Variants in ZNF717 observed in about 807,000 individuals in gnomAD.
ZNF717 encodes the protein zinc finger protein 717.
Under a neutral mutation model 13.8 loss-of-function variants are expected in ZNF717, and 9 were observed. That is an observed-to-expected ratio of 0.65 (90% confidence interval 0.39 to 1.14). ZNF717 has a LOEUF of 1.14. Among genes scored for constraint, ZNF717 ranks in the 50% most tolerant of loss-of-function variants. The pLI, the probability that ZNF717 is intolerant of heterozygous loss-of-function variation, is 0.01. For synonymous variants in ZNF717, 327 were observed against 364.1 expected, an observed-to-expected ratio of 0.90 and a Z score of 1.16; for missense variants, 1,040 against 1,080.7, an observed-to-expected ratio of 0.96 and a Z score of 0.53.
At chr3:75,740,549 C>A (rs1343628647) in intron 4 of ZNF717, among the ~76,000 whole-genome samples, 1 of 149,056 alleles carries the variant, frequency 6.7e-6, no homozygotes, top group Non-Finnish European at 1.5e-5. Context: ...GGATTACAAA[C>A]CCTTGTCACC....
chr3:75,725,855 G>A (rs76834661), downstream of ZNF717, among the ~76,000 whole-genome samples: 3 of 152,192 alleles, frequency 2.0e-5, no homozygotes, highest in African/African-American at 7.2e-5. Context: ...CGAGATTTGG[G>A]TGAGGACACA....
At chr3:75,775,848 T>C (rs1944271169) in intron 2 of ZNF717, among the ~76,000 whole-genome samples, 1 of 131,842 alleles carries the variant, frequency 7.6e-6, no homozygotes, top group East Asian at 2.1e-4. Context: ...TGAGACTCTG[T>C]CTCAAAAAAA....
At chr3:75,723,362 G>T (rs113725010) in intron 4 of ZNF717, among the ~76,000 whole-genome samples, 1 of 142,980 alleles carries the variant, frequency 7.0e-6, no homozygotes, top group Non-Finnish European at 1.5e-5. Context: ...TGATCCTCCC[G>T]CCTCAGCCTC....
At chr3:75,779,621 G>C (rs1273981827) in intron 2 of ZNF717, among the ~76,000 whole-genome samples, 2 of 144,846 alleles carry the variant, frequency 1.4e-5, no homozygotes, top group Non-Finnish European at 3.0e-5. Flanking sequence ...TGCTAAACAG[G>C]AACCCAAAAC....
In ZNF717 at chr3:75,736,855, C is replaced by G; in HGVS notation, c.*23G>C. The G allele has an allele frequency of 6.6e-7, 1 of 1,519,758 alleles. No individual in the cohort carries two copies. Among genetic ancestry groups the G allele is most frequent in the African/African-American group, 1.4e-5 (1 of 71,990 alleles). The allele number at this position is 1,519,758 out of a possible 1,614,324, so 94.1% of individuals were successfully genotyped here. A position where few individuals can be genotyped will look rare whatever the true frequency, so the allele number is the denominator to read the frequency against. Reference sequence around the variant, plus strand: ...AGCATGGAGAAATCTGTAATAGTAGCCAGAGAGGTGTAGGTTGTGTGTTCA... The same window carrying G: ...AGCATGGAGAAATCTGTAATAGTAGGCAGAGAGGTGTAGGTTGTGTGTTCA... On this transcript the variant is annotated 3_prime_UTR_variant, in exon 5 of 5. Transcript: ENST00000652011.
chr3:75,707,336 A>C (rs1379815075), downstream of ZNF717, among the ~76,000 whole-genome samples: 2 of 152,228 alleles, frequency 1.3e-5, no homozygotes, highest in African/African-American at 4.8e-5. Flanking sequence ...AAAAAGCCTA[A>C]TGGCAAGTAC....
chr3:75,770,067 C>T (rs1418406479), intron 2 of ZNF717, among the ~76,000 whole-genome samples: 1 of 152,174 alleles, frequency 6.6e-6, no homozygotes, highest in Admixed American at 6.5e-5. Flanking sequence ...TGAATGCTTT[C>T]TCTCTCCCCA....
intron 2 of ZNF717, among the ~76,000 whole-genome samples, chr3:75,756,807 T>C (rs1306680138): frequency 6.6e-6 from 1 of 152,196 alleles, no homozygotes; most frequent in East Asian, 1.9e-4. Context: ...CCCGAGTAGC[T>C]GGGATTACGG....
intron 2 of ZNF717, among the ~76,000 whole-genome samples, chr3:75,746,907 CT>C (rs1171741006): frequency 3.3e-5 from 5 of 152,112 alleles, no homozygotes; most frequent in African/African-American, 1.2e-4. Flanking sequence ...GTTGCCATTG[CT>C]TTTGGTGTTT....
downstream of ZNF717, among the ~76,000 whole-genome samples, chr3:75,727,848 A>G (rs1415778004): frequency 2.6e-5 from 4 of 152,138 alleles, no homozygotes; most frequent in African/African-American, 9.7e-5. Flanking sequence ...CCTAATAAAA[A>G]CTGGCTGGTT....
intron 2 of ZNF717, among the ~76,000 whole-genome samples, chr3:75,779,763 C>CAATGGGAGAGACGTGCTAAACCAGGAT (rs1944660205): frequency 1.9e-4 from 28 of 148,878 alleles, no homozygotes; most frequent in African/African-American, 6.7e-4. Context: ...AAACCAGAAA[C>CAATGGGAGAGACGTGCTAAACCAGGAT]CCAAAACAAT....
intron 4 of ZNF717, among the ~76,000 whole-genome samples, chr3:75,723,987 C>T (rs79011125): frequency 1.3e-5 from 2 of 152,076 alleles, no homozygotes; most frequent in Admixed American, 6.6e-5. Flanking sequence ...ACACCTGGCT[C>T]GGCCTTCTAG....
chr3:75,733,621 T>C (rs1455131986), downstream of ZNF717, among the ~76,000 whole-genome samples: 2 of 140,490 alleles, frequency 1.4e-5, no homozygotes, highest in Non-Finnish European at 3.1e-5. Flanking sequence ...CACGAAAAAA[T>C]ACAAAAAATT....
intron 2 of ZNF717, among the ~76,000 whole-genome samples, chr3:75,757,968 T>A (rs79100546): frequency 0.31 from 42,886 of 137,882 alleles, 7,130 homozygotes; most frequent in African/African-American, 0.49. Context: ...AAAAAAAAAA[T>A]TTATCTGAGC....
At chr3:75,722,431 C>T (rs1175049163) in intron 4 of ZNF717, among the ~76,000 whole-genome samples, 1 of 152,126 alleles carries the variant, frequency 6.6e-6, no homozygotes, top group Non-Finnish European at 1.5e-5. Flanking sequence ...CTTCTGAATT[C>T]AATCTGTTGC....
At position 75,743,169 on chromosome 3, in the gene ZNF717, A is replaced by C. The variant is rs62246587; in HGVS notation, c.58-1433T>G. Reference sequence around the variant, plus strand: ...TTACCCAAAGATGCATTTCTCAGAAAGTAATCCCATCAGTAAGCCATGCAT... The same window carrying C: ...TTACCCAAAGATGCATTTCTCAGAACGTAATCCCATCAGTAAGCCATGCAT... On this transcript the variant is annotated intron_variant, in intron 2 of 4. Coordinates refer to ENST00000652011, the MANE Select transcript of ZNF717 (RefSeq NM_001290208.3). Among the ~76,000 whole-genome samples the C allele has an allele frequency of 5.4e-3, 822 of 152,344 alleles. 4 individuals carry two copies. Among genetic ancestry groups the C allele is most frequent in the Non-Finnish European group, 6.8e-3 (461 of 68,026 alleles).
intron 4 of ZNF717, among the ~76,000 whole-genome samples, chr3:75,721,880 TTC>T (rs1938174278): frequency 1.3e-5 from 2 of 152,094 alleles, no homozygotes; most frequent in Non-Finnish European, 2.9e-5. Context: ...TTCCAAATCT[TTC>T]TCTCTCACCC....
At chr3:75,746,625 A>G (rs1485838765) in intron 2 of ZNF717, among the ~76,000 whole-genome samples, 2 of 152,188 alleles carry the variant, frequency 1.3e-5, no homozygotes, top group African/African-American at 4.8e-5. Context: ...CATTTCTCTG[A>G]TGGCCAGTGA....
At chr3:75,769,947 T>C (rs932751489) in intron 2 of ZNF717, among the ~76,000 whole-genome samples, 4 of 152,240 alleles carry the variant, frequency 2.6e-5, no homozygotes, top group Non-Finnish European at 4.4e-5. Context: ...GCTAGAATCA[T>C]TGACATAAAT....
Sources: gnomAD v4.1 joint callset for allele counts (sites outside exome capture counted in the v4.1 genomes callset) on GRCh38, gnomAD v4.1.1 for gene constraint, MANE v1.5 for transcripts, NCBI Gene and HGNC (gene_info 2026-07-23, HGNC 2026-07-21) for gene names.